The following MEI4 variants were observed in gnomAD, a reference collection of about 807,000 sequenced individuals.
The protein encoded by MEI4 is meiosis-specific protein MEI4.
MEI4 carries 27 observed loss-of-function variants against 31.4 expected under a neutral mutation model. The ratio of observed to expected loss-of-function variants is 0.86; its 90% CI spans 0.63 to 1.19. The LOEUF (loss-of-function observed/expected upper bound fraction) is 1.19, where lower values mean the gene tolerates loss of function less well. Ranked by LOEUF, MEI4 falls within the 50% of genes most tolerant of loss-of-function variation. The pLI is 0.00. For missense variants in MEI4, 329 were observed against 398.9 expected (o/e 0.82, Z 1.49); for synonymous variants, 122 against 145.4 (o/e 0.84, Z 1.16).
At chr6:77,750,186 T>C (rs1296747397) in intron 2 of MEI4, among the ~76,000 whole-genome samples, 4 of 152,102 alleles carry the variant, frequency 2.6e-5, no homozygotes, top group African/African-American at 9.7e-5. Context: ...GTAAAGACTA[T>C]CAATGCTGTG....
intron 1 of MEI4, among the ~76,000 whole-genome samples, chr6:77,689,731 A>C (rs1769123020): frequency 6.6e-6 from 1 of 152,060 alleles, no homozygotes; most frequent in African/African-American, 2.4e-5. Context: ...AAGGAAATAA[A>C]GTTTGAAATG....
At chr6:77,920,346 T>C (rs1420153336) in intron 4 of MEI4, among the ~76,000 whole-genome samples, 1 of 151,996 alleles carries the variant, frequency 6.6e-6, no homozygotes, top group Non-Finnish European at 1.5e-5. Context: ...TGTTTCAATA[T>C]ACGCAAATCA....
chr6:77,876,957 TAA>T (rs1219363433), intron 4 of MEI4, among the ~76,000 whole-genome samples: 3 of 152,150 alleles, frequency 2.0e-5, no homozygotes, highest in Non-Finnish European at 4.4e-5. Flanking sequence ...AGTGAAATTT[TAA>T]ATGTTAGGTT....
intron 3 of MEI4, among the ~76,000 whole-genome samples, chr6:77,801,504 C>T (rs1473390155): frequency 6.6e-6 from 1 of 152,068 alleles, no homozygotes; most frequent in Non-Finnish European, 1.5e-5. Flanking sequence ...CTGCTCTGAT[C>T]TGAGTTATTT....
chr6:77,840,383 T>G (rs1188988812), intron 4 of MEI4, among the ~76,000 whole-genome samples: 2 of 152,078 alleles, frequency 1.3e-5, no homozygotes, highest in African/African-American at 2.4e-5. Flanking sequence ...GTATAGCATA[T>G]ATACTATTGT....
chr6:77,904,411 G>C (rs923548732), intron 4 of MEI4, among the ~76,000 whole-genome samples: 3 of 151,956 alleles, frequency 2.0e-5, no homozygotes, highest in African/African-American at 7.2e-5. Flanking sequence ...TTTCACATAG[G>C]TAATAAGCAT....
chr6:77,879,901 A>C (rs1369223786), intron 4 of MEI4, among the ~76,000 whole-genome samples: 1 of 152,218 alleles, frequency 6.6e-6, no homozygotes. Flanking sequence ...AACCCAAAAC[A>C]AGAGAGAATA....
At chr6:77,837,171 A>G in intron 4 of MEI4, among the ~76,000 whole-genome samples, 1 of 152,154 alleles carries the variant, frequency 6.6e-6, no homozygotes, top group African/African-American at 2.4e-5. Flanking sequence ...GGCATTTGCC[A>G]CTTATAGGCT....
intron 1 of MEI4, among the ~76,000 whole-genome samples, chr6:77,684,680 A>G (rs1769020010): frequency 7.9e-6 from 1 of 126,378 alleles, no homozygotes; most frequent in Non-Finnish European, 1.9e-5. Flanking sequence ...AAATGACTGT[A>G]TCTCATTGTT....
chr6:77,669,855 G>A (rs1328740331), intron 1 of MEI4, among the ~76,000 whole-genome samples: 1 of 152,186 alleles, frequency 6.6e-6, no homozygotes, highest in East Asian at 1.9e-4. Context: ...AAGTCTGTAA[G>A]TGGTGGAGCC....
rs1402476736 is a variant in MEI4 at position 77,780,192 on chromosome 6, A to G, written c.768+18527A>G. Among the ~76,000 whole-genome samples, 3 of 152,180 alleles carry G rather than the reference A, an allele frequency of 2.0e-5. No individual in the cohort carries two copies. In the East Asian group the frequency reaches 5.8e-4, roughly 29 times the overall value. ...GAGGTTTGCATAGCTTCAGTAAAAG[A>G]TTTGGCTGAAGGCGGCCTAATCCTC... On this transcript the variant is annotated intron_variant, in intron 3 of 4. Coordinates refer to ENST00000684080, the MANE Select transcript of MEI4 (RefSeq NM_001322247.2).
chr6:77,796,566 A>G (rs1169344480), intron 3 of MEI4, among the ~76,000 whole-genome samples: 1 of 152,214 alleles, frequency 6.6e-6, no homozygotes, highest in Non-Finnish European at 1.5e-5. Flanking sequence ...TCTATACACT[A>G]ACAACAAACT....
chr6:77,805,589 G>A (rs1769409522), intron 3 of MEI4, among the ~76,000 whole-genome samples: 1 of 152,170 alleles, frequency 6.6e-6, no homozygotes, highest in African/African-American at 2.4e-5. Flanking sequence ...GAGAAATAAT[G>A]ACAGTATAAT....
At position 77,785,022 on chromosome 6, in the gene MEI4, A is replaced by T. The variant is rs943339084; in HGVS notation, c.768+23357A>T. Among the ~76,000 whole-genome samples, 12 of 152,230 alleles carry T rather than the reference A, an allele frequency of 7.9e-5. No homozygotes were observed. The South Asian group carries it at 8.3e-4, about 11-fold the overall frequency. On this transcript the variant is annotated intron_variant, in intron 3 of 4. Transcript: ENST00000684080. Reference sequence around the variant, plus strand: ...CCCTACTCCCATTCTACTTCCCTTTATGACATAATATGCTGAAATTTCCCC... The same window carrying T: ...CCCTACTCCCATTCTACTTCCCTTTTTGACATAATATGCTGAAATTTCCCC...
intron 1 of MEI4, among the ~76,000 whole-genome samples, chr6:77,664,387 C>T (rs931146629): frequency 1.3e-5 from 2 of 152,120 alleles, no homozygotes; most frequent in Non-Finnish European, 2.9e-5. Flanking sequence ...AGAGCCTAAA[C>T]GCTATCTGAT....
At chr6:77,888,637 C>G (rs1469514986) in intron 4 of MEI4, among the ~76,000 whole-genome samples, 1 of 151,702 alleles carries the variant, frequency 6.6e-6, no homozygotes, top group Admixed American at 6.6e-5. Flanking sequence ...ACTTTTTTTT[C>G]AATGCTTTGA....
Position 77,699,388 on chromosome 6 carries a change from T to G in MEI4, c.232+8485T>G, listed in dbSNP as rs544205090. 3.4e-3 allele frequency among the ~76,000 whole-genome samples: 510 copies of G among 151,744 alleles called. 2 individuals carry two copies. The highest frequency in any genetic ancestry group is 0.012 in the African/African-American group (496 of 41,364). On this transcript the variant is annotated intron_variant, in intron 2 of 4. Transcript: ENST00000684080. ...TTTGTATTTTTAGTAGAGATGGGGTTTCACCGTTTTAGCCGGGATGGTCTC... is the reference window on the plus strand; with the variant it reads ...TTTGTATTTTTAGTAGAGATGGGGTGTCACCGTTTTAGCCGGGATGGTCTC...
intron 4 of MEI4, among the ~76,000 whole-genome samples, chr6:77,902,928 G>C (rs1255639777): frequency 2.6e-5 from 4 of 152,220 alleles, no homozygotes; most frequent in Non-Finnish European, 2.9e-5. Context: ...TCCTGAGGCT[G>C]TGTCACGGAT....
Position 77,697,720 on chromosome 6 carries a change from G to T in MEI4, c.232+6817G>T, listed in dbSNP as rs192695090. Among the ~76,000 whole-genome samples, 170 of 152,160 alleles carry T rather than the reference G, an allele frequency of 1.1e-3. 1 individual carries two copies. The highest frequency in any genetic ancestry group is 3.5e-3 in the African/African-American group (145 of 41,482). ...TCAATTTTGGAACAGGTGTGGTGTGGTGCTGAAAAAAGTATATATTCTGTT... is the reference window on the plus strand; with the variant it reads ...TCAATTTTGGAACAGGTGTGGTGTGTTGCTGAAAAAAGTATATATTCTGTT... On this transcript the variant is annotated intron_variant, in intron 2 of 4. Transcript: ENST00000684080.
Sources: allele counts gnomAD v4.1 joint callset (sites outside exome capture counted in the v4.1 genomes callset), GRCh38; gene constraint gnomAD v4.1.1; transcripts MANE v1.5; gene names NCBI Gene and HGNC (gene_info 2026-07-23, HGNC 2026-07-21).